RNF128: variants seen among roughly 807,000 people sequenced by gnomAD.
RNF128 encodes E3 ubiquitin-protein ligase RNF128.
A neutral mutation model predicts 26.2 loss-of-function variants in RNF128; 13 were observed. The observed-to-expected ratio is 0.50, with a 90% CI of 0.32 to 0.79. The LOEUF (loss-of-function observed/expected upper bound fraction) is 0.79, where lower values mean the gene tolerates loss of function less well. Among genes scored for constraint, RNF128 ranks in the 30% least tolerant of loss-of-function variants. RNF128 has a pLI of 0.03. For missense variants in RNF128, 315 were observed against 349.7 expected, an observed-to-expected ratio of 0.90 and a Z score of 0.79; for synonymous variants, 149 against 142.5, an observed-to-expected ratio of 1.05 and a Z score of -0.32.
At position 106,791,139 on chromosome X, in the gene RNF128, A is replaced by C. The variant is rs917390516; in HGVS notation, c.1058A>C (p.His353Pro). ...GAAATATCTAATAGTGCCTCCTCCCATGAAGAGGATAATCGCAGCGAGACC... is the reference window on the plus strand; with the variant it reads ...GAAATATCTAATAGTGCCTCCTCCCCTGAAGAGGATAATCGCAGCGAGACC... ...SNEISNSASS[H>P]EEDNRSETAS... Residue 353 changes from histidine to proline, a missense_variant, in exon 6 of 7, where the codon CAT becomes CCT. Coordinates refer to ENST00000255499, the MANE Select transcript of RNF128 (RefSeq NM_194463.2). 1 of 1,205,107 alleles carries C rather than the reference A, an allele frequency of 8.3e-7. No homozygotes were observed. The highest frequency in any genetic ancestry group is 1.1e-6 in the Non-Finnish European group (1 of 891,394).
At chrX:106,763,545 C>T (rs1465122402) in intron 1 of RNF128, among the ~76,000 whole-genome samples, 4 of 112,991 alleles carry the variant, frequency 3.5e-5, no homozygotes, top group Non-Finnish European at 5.6e-5. Context: ...CTCGCTCTGT[C>T]GTCCAGGCTG....
At chrX:106,785,572 G>A (rs955736997) in intron 3 of RNF128, among the ~76,000 whole-genome samples, 1 of 111,698 alleles carries the variant, frequency 9.0e-6, no homozygotes, top group Non-Finnish European at 1.9e-5. Context: ...TCTAGAAGCT[G>A]GGAAAGATAA....
chrX:106,786,802 A>G (rs1356053039), intron 3 of RNF128, among the ~76,000 whole-genome samples: 1 of 111,418 alleles, frequency 9.0e-6, no homozygotes, highest in Non-Finnish European at 1.9e-5. Context: ...AAAACAGACA[A>G]TTCACCAAAA....
At chrX:106,789,511 T>C (rs1930778974) in intron 4 of RNF128, among the ~76,000 whole-genome samples, 1 of 104,239 alleles carries the variant, frequency 9.6e-6, no homozygotes, top group Non-Finnish European at 2.0e-5. Flanking sequence ...ATAGTGTATA[T>C]ATTATATACA....
chrX:106,698,802 G>A (rs73247951), intron 1 of RNF128, among the ~76,000 whole-genome samples: 2,958 of 110,945 alleles, frequency 0.027, 49 homozygotes, highest in Admixed American at 0.041. Flanking sequence ...GACACTCAGG[G>A]TAAATTCAAA....
intron 2 of RNF128, among the ~76,000 whole-genome samples, chrX:106,781,986 G>A (rs1930574008): frequency 8.9e-6 from 1 of 112,186 alleles, no homozygotes; most frequent in Non-Finnish European, 1.9e-5. Context: ...AAATTAATTT[G>A]CATTATAGTC....
intron 1 of RNF128, among the ~76,000 whole-genome samples, chrX:106,704,679 A>C: frequency 9.0e-6 from 1 of 111,393 alleles, no homozygotes; most frequent in Non-Finnish European, 1.9e-5. Context: ...GTAACCAGAG[A>C]TCTAGAAGAC....
chrX:106,751,447 A>T (rs963263677), intron 1 of RNF128, among the ~76,000 whole-genome samples: 2 of 111,081 alleles, frequency 1.8e-5, no homozygotes, highest in Non-Finnish European at 3.8e-5. Flanking sequence ...ACTGTGAGCT[A>T]AAGTGCCCTG....
intron 1 of RNF128, among the ~76,000 whole-genome samples, chrX:106,759,170 G>A (rs913960224): frequency 1.8e-5 from 2 of 111,660 alleles, no homozygotes; most frequent in African/African-American, 6.5e-5. Flanking sequence ...AAGGCAAACA[G>A]GTATATGAAA....
At chrX:106,720,688 A>G (rs1395578222) in intron 1 of RNF128, among the ~76,000 whole-genome samples, 6 of 111,502 alleles carry the variant, frequency 5.4e-5, no homozygotes. Context: ...TGGAATTTGG[A>G]GTCATACATA....
chrX:106,789,936 C>T (rs1930789958), intron 4 of RNF128, among the ~76,000 whole-genome samples: 1 of 110,004 alleles, frequency 9.1e-6, no homozygotes, highest in Non-Finnish European at 1.9e-5. Context: ...AGTGTCCTAG[C>T]CATTTTCAAA....
At chrX:106,708,477 C>T (rs1192943169) in intron 1 of RNF128, among the ~76,000 whole-genome samples, 1 of 112,280 alleles carries the variant, frequency 8.9e-6, no homozygotes, top group Non-Finnish European at 1.9e-5. Context: ...TCCATCATAC[C>T]ATGTGAATTT....
chrX:106,771,188 G>A (rs768998420), intron 1 of RNF128, among the ~76,000 whole-genome samples: 2 of 112,710 alleles, frequency 1.8e-5, no homozygotes, highest in Non-Finnish European at 3.8e-5. Flanking sequence ...CTCCTAGTTA[G>A]GCTACTGAGG....
intron 1 of RNF128, among the ~76,000 whole-genome samples, chrX:106,753,288 TA>T (rs1480595725): frequency 9.0e-6 from 1 of 111,127 alleles, no homozygotes; most frequent in Non-Finnish European, 1.9e-5. Context: ...ATAGAAACAA[TA>T]AAAATGTAAA....
chrX:106,794,934 G>C (rs1428039593), intron 6 of RNF128, among the ~76,000 whole-genome samples: 1 of 111,371 alleles, frequency 9.0e-6, no homozygotes, highest in Admixed American at 9.6e-5. Flanking sequence ...ACATAAAATA[G>C]TTTCAGCATT....
chrX:106,758,049 A>G (rs1472035356), intron 1 of RNF128, among the ~76,000 whole-genome samples: 1 of 112,647 alleles, frequency 8.9e-6, no homozygotes, highest in Non-Finnish European at 1.9e-5. Context: ...TAAAGGCCCC[A>G]CAACAAACTA....
At chrX:106,725,947 C>T (rs750996000), upstream of RNF128, among the ~76,000 whole-genome samples, 1 of 113,180 alleles carries the variant, frequency 8.8e-6, no homozygotes, top group Admixed American at 9.3e-5. Context: ...ATCGCCTAGG[C>T]GAGTCAGGCT....
chrX:106,722,670 G>A (rs1185736495), upstream of RNF128, among the ~76,000 whole-genome samples: 1 of 111,511 alleles, frequency 9.0e-6, no homozygotes, highest in Non-Finnish European at 1.9e-5. Context: ...CTGGGTTTCT[G>A]GGGACTGACT....
At chrX:106,755,645 A>G (rs1398465248) in intron 1 of RNF128, among the ~76,000 whole-genome samples, 1 of 111,848 alleles carries the variant, frequency 8.9e-6, no homozygotes, top group Non-Finnish European at 1.9e-5. Context: ...TATCAACACA[A>G]TGAAGGACAG....
Sources: allele counts gnomAD v4.1 joint callset (sites outside exome capture counted in the v4.1 genomes callset), GRCh38; gene constraint gnomAD v4.1.1; transcripts MANE v1.5; gene names NCBI Gene and HGNC (gene_info 2026-07-23, HGNC 2026-07-21).